STK35: variants seen among roughly 807,000 people sequenced by gnomAD.
The protein encoded by STK35 is serine/threonine kinase 35.
STK35 carries 17 observed loss-of-function variants against 37.3 expected under a neutral mutation model. The observed-to-expected ratio is 0.46, with a 90% CI of 0.31 to 0.68. The LOEUF (loss-of-function observed/expected upper bound fraction) is 0.68. STK35 is among the 30% of genes least tolerant of loss of function. The pLI is 0.05. For missense variants in STK35, 595 were observed against 746.7 expected (o/e 0.80, Z 2.37); for synonymous variants, 385 against 319.1 (o/e 1.21, Z -2.20).
At chr20:2,119,244 G>A (rs967134527) in intron 3 of STK35, among the ~76,000 whole-genome samples, 8 of 152,168 alleles carry the variant, frequency 5.3e-5, no homozygotes, top group Non-Finnish European at 4.4e-5. Context: ...TTGACCTTTC[G>A]GGTGTTGATG....
At chr20:2,115,254 C>CT (rs1376080088) in intron 2 of STK35, among the ~76,000 whole-genome samples, 1 of 152,166 alleles carries the variant, frequency 6.6e-6, no homozygotes, top group Non-Finnish European at 1.5e-5. Flanking sequence ...CTTTAGTAGA[C>CT]TGTGAGCCTT....
chr20:2,111,815 G>A (rs1450579176), intron 2 of STK35, among the ~76,000 whole-genome samples: 1 of 152,208 alleles, frequency 6.6e-6, no homozygotes, highest in Non-Finnish European at 1.5e-5. Context: ...AAACTCTTCT[G>A]TGATTATCCA....
intron 2 of STK35, among the ~76,000 whole-genome samples, chr20:2,108,236 C>T (rs567658786): frequency 1.1e-4 from 17 of 152,312 alleles, no homozygotes; most frequent in Non-Finnish European, 1.2e-4. Context: ...AGGCCGTGTG[C>T]GGTGGCTCAC....
At chr20:2,116,271 T>C (rs751404517) in intron 2 of STK35, among the ~76,000 whole-genome samples, 3 of 152,148 alleles carry the variant, frequency 2.0e-5, no homozygotes, top group Non-Finnish European at 4.4e-5. Context: ...GGTCATTTGC[T>C]CAGCATGGAG....
At chr20:2,109,445 A>T (rs923865779) in intron 2 of STK35, among the ~76,000 whole-genome samples, 2 of 152,222 alleles carry the variant, frequency 1.3e-5, no homozygotes, top group African/African-American at 4.8e-5. Context: ...TAGTATTTTC[A>T]TACTCCTTTT....
rs1268470691 is a variant in STK35 at position 2,117,069 on chromosome 20, A to G, written c.1296A>G (p.Thr432=). 6.2e-7 allele frequency: 1 copy of G among 1,614,040 alleles called. No homozygotes were observed. The highest frequency in any genetic ancestry group is 1.7e-5 in the Admixed American group (1 of 59,998). The change falls in exon 3 of 4, where the codon ACA becomes ACG. Residue 432 remains threonine, a synonymous_variant. Coordinates refer to ENST00000381482, the MANE Select transcript of STK35 (RefSeq NM_080836.4). The surrounding 1 kb of genome is among the most constrained non-coding windows in gnomAD (Gnocchi z 4.4). ...MAPEVWEGHY[T]AKADIFALGI... is the part of the protein sequence containing the mutation. Reference sequence around the variant, plus strand: ...CTGAAGTCTGGGAGGGACACTACACAGCCAAGGCGGACATCTTTGCCCTGG... The same window carrying G: ...CTGAAGTCTGGGAGGGACACTACACGGCCAAGGCGGACATCTTTGCCCTGG...
At chr20:2,138,603 G>C (rs1332521279) in intron 3 of STK35, among the ~76,000 whole-genome samples, 1 of 152,160 alleles carries the variant, frequency 6.6e-6, no homozygotes, top group African/African-American at 2.4e-5. Flanking sequence ...TAAACCTCGT[G>C]GTTACCAGAC....
At chr20:2,118,223 A>G (rs565787208) in intron 3 of STK35, among the ~76,000 whole-genome samples, 16 of 152,286 alleles carry the variant, frequency 1.1e-4, no homozygotes, top group African/African-American at 3.8e-4. Context: ...CATTCCCATT[A>G]TATGTACCAT....
chr20:2,109,574 G>A (rs1985578970), intron 2 of STK35, among the ~76,000 whole-genome samples: 1 of 152,158 alleles, frequency 6.6e-6, no homozygotes. Flanking sequence ...GAAAGGTCAG[G>A]GCCTAGGTTT....
chr20:2,136,198 G>A (rs532076171), intron 3 of STK35, among the ~76,000 whole-genome samples: 128 of 152,302 alleles, frequency 8.4e-4, no homozygotes, highest in Non-Finnish European at 9.0e-4. Flanking sequence ...AAAGTTGGCC[G>A]TCTTCTTCCC....
chr20:2,110,673 A>G (rs750237664), intron 2 of STK35, among the ~76,000 whole-genome samples: 21 of 152,130 alleles, frequency 1.4e-4, no homozygotes, highest in Non-Finnish European at 3.1e-4. Context: ...AAGACTTCCT[A>G]TATGTATTGC....
At chr20:2,132,737 G>A (rs1475345398) in intron 3 of STK35, among the ~76,000 whole-genome samples, 1 of 152,188 alleles carries the variant, frequency 6.6e-6, no homozygotes, top group Non-Finnish European at 1.5e-5. Flanking sequence ...CTTCTATATT[G>A]GTGTCAAGAC....
chr20:2,135,482 T>G (rs1007103806), intron 3 of STK35, among the ~76,000 whole-genome samples: 38 of 152,362 alleles, frequency 2.5e-4, no homozygotes, highest in Middle Eastern at 3.4e-3. Flanking sequence ...AGGATTCCAC[T>G]TCCTGGACCA....
intron 3 of STK35, among the ~76,000 whole-genome samples, chr20:2,136,921 G>A (rs1986096182): frequency 6.6e-6 from 1 of 152,208 alleles, no homozygotes; most frequent in Admixed American, 6.5e-5. Context: ...CCTGGGGAAG[G>A]CGTGTGGATG....
intron 3 of STK35, among the ~76,000 whole-genome samples, chr20:2,133,685 A>T (rs1399251833): frequency 1.3e-5 from 2 of 152,254 alleles, no homozygotes; most frequent in Non-Finnish European, 2.9e-5. Flanking sequence ...GGAGACCTCC[A>T]AATCTCAGAA....
chr20:2,116,135 C>A (rs189034963), intron 2 of STK35, among the ~76,000 whole-genome samples: 69 of 152,170 alleles, frequency 4.5e-4, no homozygotes, highest in African/African-American at 1.6e-3. Flanking sequence ...ATTGATGGAT[C>A]GGACTGTGCC....
In STK35 at chr20:2,117,494, G is replaced by A. The variant is rs998101647; in HGVS notation, c.*37+79G>A. ...TCTGTTGGTCAGGCTGGGGTGCAGC[G>A]GGTGCAGTGGCAGGATCTCAGCTCA... On this transcript the variant is annotated intron_variant, in intron 3 of 3. Coordinates refer to ENST00000381482, the MANE Select transcript of STK35 (RefSeq NM_080836.4). This position sits in a 1 kb window ranked among gnomAD's most constrained non-coding sequence, Gnocchi z 4.4. 51 of 771,652 alleles carry A rather than the reference G, an allele frequency of 6.6e-5. No homozygotes were observed. The highest frequency in any genetic ancestry group is 1.9e-4 in the African/African-American group (11 of 56,988). 47.8% of individuals were successfully genotyped at this position (771,652 alleles called of 1,614,324 possible). A position where few individuals can be genotyped will look rare whatever the true frequency, so the allele number is the denominator to read the frequency against.
rs372888922 is a variant in STK35 at position 2,119,659 on chromosome 20, C to T, written c.*37+2244C>T. On this transcript the variant is annotated intron_variant, in intron 3 of 3. Transcript: ENST00000381482. ...TATCTTATTCAAGCATCCCCCACCC[C>T]CTTTTCCCTTAATATGGTGAGCTAG... Among the ~76,000 whole-genome samples, 60 of 152,352 alleles carry T rather than the reference C, an allele frequency of 3.9e-4. 1 individual carries two copies. The South Asian group carries it at 0.012, about 32-fold the overall frequency.
intron 3 of STK35, among the ~76,000 whole-genome samples, chr20:2,124,665 G>A (rs1451094002): frequency 6.6e-6 from 1 of 152,178 alleles, no homozygotes; most frequent in African/African-American, 2.4e-5. Flanking sequence ...AGCTTCACAA[G>A]AGGTGGGGGT....
Sources: allele counts gnomAD v4.1 joint callset (sites outside exome capture counted in the v4.1 genomes callset), GRCh38; gene constraint gnomAD v4.1.1; non-coding constraint Gnocchi (gnomAD v3.1); transcripts MANE v1.5; gene names NCBI Gene and HGNC (gene_info 2026-07-23, HGNC 2026-07-21).